The following SEC61A1 variants were observed in gnomAD, a reference collection of about 807,000 sequenced individuals.
SEC61A1 encodes SEC61 translocon subunit alpha 1, also known as protein transport protein Sec61 subunit alpha isoform 1.
SEC61A1 carries 15 observed loss-of-function variants against 55.2 expected under a neutral mutation model. That is an observed-to-expected ratio of 0.27 (90% CI 0.18 to 0.42). The LOEUF is 0.42. Among genes scored for constraint, SEC61A1 ranks in the 10% least tolerant of loss-of-function variants. SEC61A1 has a pLI of 1.00. For synonymous variants in SEC61A1, 247 were observed against 234.0 expected, an observed-to-expected ratio of 1.06 and a Z score of -0.51; for missense variants, 284 against 602.6, an observed-to-expected ratio of 0.47 and a Z score of 5.53.
At chr3:128,054,490 T>C (rs1941740991) in intron 2 of SEC61A1, among the ~76,000 whole-genome samples, 1 of 152,202 alleles carries the variant, frequency 6.6e-6, no homozygotes, top group South Asian at 2.1e-4. Context: ...GGATGGAGTA[T>C]CTGAACACTG....
chr3:128,057,229 G>A (rs1398542164), intron 5 of SEC61A1, among the ~76,000 whole-genome samples: 1 of 152,210 alleles, frequency 6.6e-6, no homozygotes, highest in Non-Finnish European at 1.5e-5. Context: ...ACCATGCCCA[G>A]CCCAAACAGT....
intron 5 of SEC61A1, 34 bp downstream of exon 5, chr3:128,056,874 G>T: frequency 1.4e-6 from 2 of 1,424,294 alleles, no homozygotes; most frequent in Non-Finnish European, 9.3e-7. Flanking sequence ...GATGTCTATA[G>T]TTGGAAAATT....
At chr3:128,060,753 G>T in intron 7 of SEC61A1, 92 bp downstream of exon 7, 1 of 1,289,778 alleles carries the variant, frequency 7.8e-7, no homozygotes, top group Non-Finnish European at 1.1e-6. Flanking sequence ...CCATTCCACA[G>T]AAAAATAATG....
At position 128,069,614 on chromosome 3, in the gene SEC61A1, C is replaced by T. The variant is rs781266676; in HGVS notation, c.1383C>T (p.Phe461=). 1.8e-5 allele frequency: 29 copies of T among 1,614,036 alleles called. No homozygotes were observed. The Admixed American group carries it at 3.5e-4, about 19-fold the overall frequency. ...VTIIYQYFEI[F]VKEQSEVGSM... Reference sequence around the variant, plus strand: ...TCATCTACCAGTACTTTGAGATCTTCGTTAAGGAGCAAAGCGAGGTTGGCA... The same window carrying T: ...TCATCTACCAGTACTTTGAGATCTTTGTTAAGGAGCAAAGCGAGGTTGGCA... The change falls in exon 12 of 12, where the codon TTC becomes TTT. Residue 461 remains phenylalanine, a synonymous_variant. Transcript: ENST00000243253.
chr3:128,065,373 TAGAAA>T (rs1288496257), intron 8 of SEC61A1: 1 of 567,844 alleles, frequency 1.8e-6, no homozygotes, highest in African/African-American at 1.9e-5. Context: ...TGCTCTCTTA[TAGAAA>T]GTTTGTATGA....
intron 11 of SEC61A1, chr3:128,068,940 C>T (rs1942067583): frequency 6.6e-6 from 1 of 152,250 alleles, no homozygotes; most frequent in Non-Finnish European, 1.5e-5. Flanking sequence ...CAGGAAAAGC[C>T]AGAATTGCAA....
At chr3:128,054,148 A>G (rs1941734840) in intron 2 of SEC61A1, among the ~76,000 whole-genome samples, 1 of 152,170 alleles carries the variant, frequency 6.6e-6, no homozygotes, top group South Asian at 2.1e-4. Context: ...GTTGGTTTAG[A>G]GGCTTTTCAC....
At chr3:128,053,559 ATGTT>A (rs1213251986) in intron 2 of SEC61A1, among the ~76,000 whole-genome samples, 2 of 152,256 alleles carry the variant, frequency 1.3e-5, no homozygotes, top group Non-Finnish European at 2.9e-5. Context: ...GGGGAATAAA[ATGTT>A]TGTGTCCTCA....
chr3:128,065,732 ATT>A (rs758640768), intron 8 of SEC61A1, among the ~76,000 whole-genome samples: 6 of 97,524 alleles, frequency 6.2e-5, no homozygotes, highest in African/African-American at 1.7e-4. Flanking sequence ...ATCATTAAGA[ATT>A]TTTTTTTTTT....
rs1941833240 is a variant in SEC61A1, at chr3:128,060,266, T to C, written c.462+55T>C. On this transcript the variant is annotated intron_variant, in intron 6 of 11. Transcript: ENST00000243253. ...GTAGCCCCTCACACTTACCTACAAT[T>C]CTCACATAACGAATCTCAAGCACAC... The C allele has an allele frequency of 1.5e-5, 20 of 1,307,748 alleles. 1 individual carries two copies. The South Asian group carries it at 2.4e-4, about 16-fold the overall frequency. The allele number at this position is 1,307,748 out of a possible 1,614,324, so 81.0% of individuals were successfully genotyped here.
rs926336538 is a variant in SEC61A1 at position 128,070,529 on chromosome 3, C to T, written c.*867C>T. 1 of 152,288 alleles carries T rather than the reference C, an allele frequency of 6.6e-6. No homozygotes were observed. The highest frequency in any genetic ancestry group is 6.5e-5 in the Admixed American group (1 of 15,288). 9.4% of individuals were successfully genotyped at this position (152,288 alleles called of 1,614,324 possible). A position where few individuals can be genotyped will look rare whatever the true frequency, so the allele number is the denominator to read the frequency against. On this transcript the variant is annotated 3_prime_UTR_variant, in exon 12 of 12. Transcript: ENST00000243253. The stretch of plus-strand genomic sequence containing the variant: ...GGGAGACATTGTGGTAGCTATCAGA[C>T]ATGGACAGAAACTGACTTAGTGCTC...
intron 2 of SEC61A1, among the ~76,000 whole-genome samples, 185 bp downstream of exon 2, chr3:128,053,087 C>G (rs975758503): frequency 6.6e-6 from 1 of 152,174 alleles, no homozygotes; most frequent in African/African-American, 2.4e-5. Context: ...GTGGAAATTT[C>G]CACTGAAATC....
Position 128,056,801 on chromosome 3 carries a change from A to G in SEC61A1, c.313A>G (p.Thr105Ala), listed in dbSNP as rs775562862. Residue 105 changes from threonine (T) to alanine (A), a missense_variant, in exon 5 of 12, where the codon ACC becomes GCC. Thr to Ala is a moderately conservative substitution (Grantham distance 58). Transcript: ENST00000243253. ...CGCCAAGATAATTGAAGTTGGTGAC[A>G]CCCCAAAAGACCGAGCTCTCTTCAA... ...AGAKIIEVGD[T>A]PKDRALFNGA... 1.2e-6 allele frequency: 2 copies of G among 1,609,800 alleles called. No homozygotes were observed. Among genetic ancestry groups the G allele is most frequent in the Non-Finnish European group, 1.7e-6 (2 of 1,177,974 alleles).
chr3:128,066,652 G>A (rs1348993120), intron 8 of SEC61A1: 1 of 400,586 alleles, frequency 2.5e-6, no homozygotes, highest in South Asian at 4.0e-5. Context: ...TCGAACTTCT[G>A]GGCTCAAGCA....
Position 128,060,567 on chromosome 3 carries a change from C to T in SEC61A1, c.522C>T (p.Gly174=). 6.2e-7 allele frequency: 1 copy of T among 1,614,092 alleles called. No homozygotes were observed. The highest frequency in any genetic ancestry group is 8.5e-7 in the Non-Finnish European group (1 of 1,179,956). Residue 174 remains glycine (G), a synonymous_variant, in exon 7 of 12, where the codon GGC becomes GGT. Coordinates refer to ENST00000243253, the MANE Select transcript of SEC61A1 (RefSeq NM_013336.4). ...ATGAACTCCTGCAAAAAGGATATGG[C>T]CTTGGCTCTGGTATTTCTCTCTTCA... ...LLDELLQKGY[G]LGSGISLFIA... is the part of the protein sequence containing the mutation.
At chr3:128,053,763 A>G (rs1941727394) in intron 2 of SEC61A1, among the ~76,000 whole-genome samples, 1 of 152,218 alleles carries the variant, frequency 6.6e-6, no homozygotes, top group Non-Finnish European at 1.5e-5. Context: ...AGGCAAGCCT[A>G]GGTCCCACCC....
intron 5 of SEC61A1, among the ~76,000 whole-genome samples, chr3:128,057,179 G>A (rs1009346606): frequency 1.3e-5 from 2 of 152,140 alleles, no homozygotes; most frequent in East Asian, 1.9e-4. Flanking sequence ...TGATCCACCC[G>A]CCTCGGCCTC....
At position 128,067,962 on chromosome 3, in the gene SEC61A1, T is replaced by TC. The variant is rs35146500; in HGVS notation, c.1168-17dup. 5.0e-6 allele frequency: 8 copies of TC among 1,610,584 alleles called. No individual in the cohort carries two copies. The highest frequency in any genetic ancestry group is 5.9e-6 in the Non-Finnish European group (7 of 1,177,072). On this transcript the variant is annotated intron_variant, in intron 10 of 11. Coordinates refer to ENST00000243253, the MANE Select transcript of SEC61A1 (RefSeq NM_013336.4). This position sits in a 1 kb window ranked among gnomAD's most constrained non-coding sequence, Gnocchi z 4.1. ...CCCTTCAGCCTCCAATTCCAACTTC[T>TC]CCCCTGTGGGCACCCTGCAGGTTGC...
At chr3:128,069,347 T>C in intron 11 of SEC61A1, 129 bp from the exon 12 acceptor site, 1 of 866,172 alleles carries the variant, frequency 1.2e-6, no homozygotes, top group Non-Finnish European at 1.8e-6. Flanking sequence ...TGTTAGTAGA[T>C]GACTTTCTAG....
Sources: gnomAD v4.1 joint callset for allele counts (sites outside exome capture counted in the v4.1 genomes callset) on GRCh38, gnomAD v4.1.1 for gene constraint, Gnocchi (gnomAD v3.1) non-coding constraint, MANE v1.5 for transcripts, NCBI Gene and HGNC (gene_info 2026-07-23, HGNC 2026-07-21) for gene names.